Variants in NCAM1 observed in about 807,000 individuals in gnomAD.
NCAM1 encodes the protein antigen recognized by monoclonal antibody 5.1H11.
In NCAM1, 14 loss-of-function variants were observed where a neutral mutation model predicts 109.8. The observed-to-expected ratio is 0.13, with a 90% confidence interval of 0.08 to 0.20. The LOEUF is 0.20. Ranked by LOEUF, NCAM1 falls within the 10% of genes least tolerant of loss-of-function variation. The pLI is 1.00. For synonymous variants in NCAM1, 418 were observed against 442.9 expected (o/e 0.94, Z 0.70); for missense variants, 774 against 1,109.9 (o/e 0.70, Z 4.30).
At chr11:113,138,368 T>C (rs1361274491) in intron 1 of NCAM1, among the ~76,000 whole-genome samples, 1 of 152,222 alleles carries the variant, frequency 6.6e-6, no homozygotes, top group Admixed American at 6.5e-5. Flanking sequence ...GCATCTGTCA[T>C]GGAGCAAGAC....
intron 17 of NCAM1, among the ~76,000 whole-genome samples, chr11:113,267,284 C>T (rs973636092): frequency 6.6e-6 from 1 of 152,102 alleles, no homozygotes; most frequent in African/African-American, 2.4e-5. Context: ...TGGGGAGATA[C>T]AAGAGAGACA....
intron 17 of NCAM1, chr11:113,265,066 A>G: frequency 1.0e-6 from 1 of 985,338 alleles, no homozygotes; most frequent in Non-Finnish European, 1.2e-6. Context: ...TCATTTTTGG[A>G]CTATTTATAC....
chr11:113,158,827 T>TAACCCTATTGG (rs1160866981), intron 1 of NCAM1, among the ~76,000 whole-genome samples: 1 of 152,214 alleles, frequency 6.6e-6, no homozygotes, highest in Non-Finnish European at 1.5e-5. Flanking sequence ...TAAGTAGGGT[T>TAACCCTATTGG]GTTGAGGGTA....
At chr11:113,111,704 C>T (rs549735379) in intron 1 of NCAM1, among the ~76,000 whole-genome samples, 1 of 152,238 alleles carries the variant, frequency 6.6e-6, no homozygotes, top group Non-Finnish European at 1.5e-5. Flanking sequence ...GATGTTAACA[C>T]CTTGTTGTGT....
At chr11:113,199,848 A>AC (rs1943992353) in intron 1 of NCAM1, among the ~76,000 whole-genome samples, 5 of 150,760 alleles carry the variant, frequency 3.3e-5, no homozygotes, top group Admixed American at 2.0e-4. Context: ...AAAAAAAAAA[A>AC]ACTTCTGTGA....
chr11:113,259,294 G>A (rs902326375), intron 16 of NCAM1, among the ~76,000 whole-genome samples: 2 of 151,802 alleles, frequency 1.3e-5, no homozygotes, highest in Admixed American at 6.6e-5. Flanking sequence ...CTCGTGATCC[G>A]CCCGCCTCGG....
intron 1 of NCAM1, among the ~76,000 whole-genome samples, chr11:113,162,214 T>C (rs567783773): frequency 2.0e-5 from 3 of 152,122 alleles, no homozygotes; most frequent in Non-Finnish European, 4.4e-5. Flanking sequence ...AATTTAGCCT[T>C]TGCAAACAAA....
At chr11:113,271,041 C>A (rs1385003995) in intron 18 of NCAM1, among the ~76,000 whole-genome samples, 1 of 152,072 alleles carries the variant, frequency 6.6e-6, no homozygotes, top group Non-Finnish European at 1.5e-5. Context: ...CACCACATGC[C>A]AGGCACTGTA....
intron 1 of NCAM1, among the ~76,000 whole-genome samples, chr11:113,149,034 TG>T (rs1344137496): frequency 6.6e-6 from 1 of 152,198 alleles, no homozygotes; most frequent in African/African-American, 2.4e-5. Flanking sequence ...CATCACTTTC[TG>T]GTCTTCCAAG....
At chr11:113,151,576 A>C (rs1942225464) in intron 1 of NCAM1, among the ~76,000 whole-genome samples, 1 of 152,224 alleles carries the variant, frequency 6.6e-6, no homozygotes, top group Admixed American at 6.5e-5. Context: ...TGATTGGTGC[A>C]CACATTCTGA....
chr11:113,078,501 C>A (rs1408973655), intron 1 of NCAM1, among the ~76,000 whole-genome samples: 1 of 152,022 alleles, frequency 6.6e-6, no homozygotes, highest in African/African-American at 2.4e-5. Flanking sequence ...AGGCCTAAGG[C>A]TGAGTAGGGT....
At chr11:113,257,388 C>T (rs1555122523) in intron 16 of NCAM1, among the ~76,000 whole-genome samples, 1 of 152,196 alleles carries the variant, frequency 6.6e-6, no homozygotes, top group Admixed American at 6.5e-5. Context: ...TCAATTTCTC[C>T]ATCTGTAAAA....
At chr11:113,225,387 G>T (rs572299077) in intron 9 of NCAM1, among the ~76,000 whole-genome samples, 168 of 152,278 alleles carry the variant, frequency 1.1e-3, no homozygotes, top group African/African-American at 3.6e-3. Context: ...AGAGAAAAAA[G>T]AATAAAAAGA....
intron 1 of NCAM1, among the ~76,000 whole-genome samples, chr11:113,060,995 T>C (rs1442781296): frequency 2.0e-5 from 3 of 152,102 alleles, no homozygotes; most frequent in Non-Finnish European, 2.9e-5. Flanking sequence ...AGAGGCCCTA[T>C]GCTCTGTAAC....
intron 3 of NCAM1, among the ~76,000 whole-genome samples, chr11:113,204,807 C>T (rs781895034): frequency 8.5e-5 from 13 of 152,164 alleles, no homozygotes; most frequent in Non-Finnish European, 5.9e-5. Flanking sequence ...AATTTGGGCT[C>T]CTCTCCCTTC....
intron 1 of NCAM1, among the ~76,000 whole-genome samples, chr11:112,990,213 T>C (rs1390731745): frequency 5.9e-5 from 9 of 152,218 alleles, no homozygotes; most frequent in Non-Finnish European, 1.0e-4. Context: ...ACTAGGTTCA[T>C]AGACAGTTGT....
At chr11:113,190,030 T>C (rs1215315361) in intron 1 of NCAM1, among the ~76,000 whole-genome samples, 1 of 152,158 alleles carries the variant, frequency 6.6e-6, no homozygotes, top group Non-Finnish European at 1.5e-5. Flanking sequence ...TGACCAAGTT[T>C]GTGTGTTTGG....
At chr11:113,275,183 C>A in intron 19 of NCAM1, 84 bp from the exon 20 acceptor site, 1 of 1,554,902 alleles carries the variant, frequency 6.4e-7, no homozygotes, top group Non-Finnish European at 8.7e-7. Context: ...CCTCCTCCTC[C>A]CTGCTGTCCC....
At chr11:113,226,031 G>A (rs1944833946) in intron 9 of NCAM1, among the ~76,000 whole-genome samples, 1 of 152,172 alleles carries the variant, frequency 6.6e-6, no homozygotes, top group South Asian at 2.1e-4. Context: ...CAACTAACGA[G>A]CAAAATAACC....
Sources: gnomAD v4.1 joint callset for allele counts (sites outside exome capture counted in the v4.1 genomes callset) on GRCh38, gnomAD v4.1.1 for gene constraint, MANE v1.5 for transcripts, NCBI Gene and HGNC (gene_info 2026-07-23, HGNC 2026-07-21) for gene names.